The following MMP20 variants were observed in gnomAD, a reference collection of about 807,000 sequenced individuals.
The protein encoded by MMP20 is matrix metalloproteinase-20.
A neutral mutation model predicts 51.8 loss-of-function variants in MMP20; 50 were observed. The observed-to-expected ratio is 0.97, with a 90% CI of 0.77 to 1.22. The LOEUF is 1.22. MMP20 is among the 50% of genes most tolerant of loss of function. The pLI is 0.00. For missense variants in MMP20, 663 were observed against 601.4 expected (o/e 1.10, Z -1.07); for synonymous variants, 244 against 216.2 (o/e 1.13, Z -1.13).
intron 3 of MMP20, among the ~76,000 whole-genome samples, chr11:102,611,072 G>C (rs1342601212): frequency 6.6e-6 from 1 of 152,172 alleles, no homozygotes; most frequent in Non-Finnish European, 1.5e-5. Context: ...ATTTCTAAAG[G>C]CTTTATTCTC....
Position 102,617,011 on chromosome 11 carries a change from C to T in MMP20, c.175G>A (p.Glu59Lys), listed in dbSNP as rs1296887143. 1.9e-6 allele frequency: 3 copies of T among 1,614,084 alleles called. No homozygotes were observed. The highest frequency in any genetic ancestry group is 2.5e-6 in the Non-Finnish European group (3 of 1,180,038). The part of the protein sequence containing the change: ...YTNKEGHQIG[E>K]MVARGSNSMI... ...GAATTGCTTCCTCTTGCAACCATCT[C>T]ACCAATCTGGTGTCCTTCTTTATTT... The change falls in exon 2 of 10, where the codon GAG becomes AAG. Residue 59 changes from glutamate to lysine, a missense_variant. Glu to Lys is a moderately conservative substitution (Grantham distance 56, BLOSUM62 1). Transcript: ENST00000260228.
intron 1 of MMP20, among the ~76,000 whole-genome samples, chr11:102,620,256 A>G (rs1378603188): frequency 2.6e-5 from 4 of 152,200 alleles, no homozygotes; most frequent in Non-Finnish European, 4.4e-5. Flanking sequence ...AAGAATTATC[A>G]GATATCCTGA....
At chr11:102,604,801 G>A (rs2007442916) in intron 6 of MMP20, among the ~76,000 whole-genome samples, 1 of 152,122 alleles carries the variant, frequency 6.6e-6, no homozygotes, top group Non-Finnish European at 1.5e-5. Flanking sequence ...TCCGTTGACA[G>A]GAAAAAATAA....
At chr11:102,585,135 A>G (rs923682235) in intron 8 of MMP20, among the ~76,000 whole-genome samples, 10 of 152,124 alleles carry the variant, frequency 6.6e-5, no homozygotes, top group Admixed American at 1.3e-4. Flanking sequence ...AAACTTGTCA[A>G]TTTCTACAAA....
intron 8 of MMP20, among the ~76,000 whole-genome samples, chr11:102,591,626 CT>C (rs779045371): frequency 2.0e-5 from 3 of 152,096 alleles, no homozygotes; most frequent in Non-Finnish European, 4.4e-5. Flanking sequence ...GAAAAATGAG[CT>C]TGTTAACATT....
intron 6 of MMP20, among the ~76,000 whole-genome samples, chr11:102,597,955 TG>T (rs1375517343): frequency 2.0e-5 from 3 of 148,810 alleles, no homozygotes; most frequent in Admixed American, 6.8e-5. Context: ...TTAGTAGAGG[TG>T]GGGTTTCTCC....
intron 6 of MMP20, among the ~76,000 whole-genome samples, chr11:102,600,515 G>C (rs1016990892): frequency 6.6e-6 from 1 of 151,754 alleles, no homozygotes; most frequent in African/African-American, 2.4e-5. Context: ...ATAGGGTCTC[G>C]CTCTGTCACC....
At chr11:102,610,971 G>C (rs1349955247) in intron 3 of MMP20, among the ~76,000 whole-genome samples, 1 of 152,106 alleles carries the variant, frequency 6.6e-6, no homozygotes, top group East Asian at 1.9e-4. Flanking sequence ...GCTACCCCGA[G>C]TCACACTGCT....
At chr11:102,583,134 C>G (rs1001961931) in intron 8 of MMP20, among the ~76,000 whole-genome samples, 2 of 152,154 alleles carry the variant, frequency 1.3e-5, no homozygotes, top group Admixed American at 1.3e-4. Context: ...TGCTTCATTT[C>G]TTAAGTTTAC....
At chr11:102,601,902 C>G (rs1267161317) in intron 6 of MMP20, among the ~76,000 whole-genome samples, 1 of 151,936 alleles carries the variant, frequency 6.6e-6, no homozygotes, top group Non-Finnish European at 1.5e-5. Context: ...ATTCTTCTCT[C>G]CAATTCCTAC....
chr11:102,619,664 C>A (rs1488757740), intron 1 of MMP20, among the ~76,000 whole-genome samples: 1 of 152,084 alleles, frequency 6.6e-6, no homozygotes, highest in Non-Finnish European at 1.5e-5. Flanking sequence ...TCACACTAAT[C>A]CTGGCCCTGA....
At chr11:102,610,563 T>C (rs887688428) in intron 3 of MMP20, among the ~76,000 whole-genome samples, 2 of 152,198 alleles carry the variant, frequency 1.3e-5, no homozygotes, top group African/African-American at 4.8e-5. Flanking sequence ...TTGACATACT[T>C]TCATGTGGAA....
At chr11:102,623,330 G>A (rs1339627008) in intron 1 of MMP20, among the ~76,000 whole-genome samples, 1 of 152,232 alleles carries the variant, frequency 6.6e-6, no homozygotes, top group African/African-American at 2.4e-5. Context: ...CACAGCAGGA[G>A]GTGAGTGGCG....
intron 9 of MMP20, among the ~76,000 whole-genome samples, chr11:102,578,398 A>C (rs1422665991): frequency 1.3e-5 from 2 of 152,208 alleles, no homozygotes; most frequent in Non-Finnish European, 2.9e-5. Context: ...CATCCTCCCA[A>C]AGTGCTGGAA....
intron 5 of MMP20, chr11:102,607,595 T>C (rs1375383694): frequency 6.6e-6 from 1 of 152,176 alleles, no homozygotes; most frequent in African/African-American, 2.4e-5. Context: ...TGGGAGAATA[T>C]CGAAGCTGGA....
At position 102,610,028 on chromosome 11, in the gene MMP20, G is replaced by T; in HGVS notation, c.526C>A (p.His176Asn). 1 of 1,614,036 alleles carries T rather than the reference G, an allele frequency of 6.2e-7. No individual in the cohort carries two copies. The highest frequency in any genetic ancestry group is 8.5e-7 in the Non-Finnish European group (1 of 1,179,994). Reference sequence around the variant, plus strand: ...CCATCGAATGGATAGGAATCCCCGTGATCTAAACAAGTGGGGAGAAAGGCC... The same window carrying T: ...CCATCGAATGGATAGGAATCCCCGTTATCTAAACAAGTGGGGAGAAAGGCC... Reference protein sequence around the residue: ...DIMISFENGDHGDSYPFDGPR... With the variant: ...DIMISFENGDNGDSYPFDGPR... The change falls in exon 4 of 10, where the codon CAC becomes AAC. Residue 176 changes from histidine (H) to asparagine (N), a missense_variant and splice_region_variant. By Grantham distance (68) the His-to-Asn change is moderately conservative (BLOSUM62 1). Transcript: ENST00000260228.
chr11:102,588,588 T>C (rs556027785), intron 8 of MMP20, among the ~76,000 whole-genome samples: 54 of 152,318 alleles, frequency 3.5e-4, no homozygotes, highest in Non-Finnish European at 6.3e-4. Flanking sequence ...ATGCACATTG[T>C]TTAATATAAT....
chr11:102,599,192 T>A (rs917055881), intron 6 of MMP20, among the ~76,000 whole-genome samples: 2 of 152,020 alleles, frequency 1.3e-5, no homozygotes, highest in East Asian at 3.9e-4. Context: ...AATTTTTGTA[T>A]TTTTTTCAGT....
chr11:102,592,030 CATA>C (rs1859323013), intron 8 of MMP20, among the ~76,000 whole-genome samples: 1 of 152,178 alleles, frequency 6.6e-6, no homozygotes, highest in Non-Finnish European at 1.5e-5. Context: ...ATAATCCTAA[CATA>C]AACGCCCTCA....
Sources: gnomAD v4.1 joint callset for allele counts (sites outside exome capture counted in the v4.1 genomes callset) on GRCh38, gnomAD v4.1.1 for gene constraint, MANE v1.5 for transcripts, NCBI Gene and HGNC (gene_info 2026-07-23, HGNC 2026-07-21) for gene names.